SLC45A2: variants seen among roughly 807,000 people sequenced by gnomAD.
SLC45A2 encodes membrane-associated transporter protein.
SLC45A2 carries 36 observed loss-of-function variants against 45.5 expected under a neutral mutation model. That is an observed-to-expected ratio of 0.79 (90% CI 0.61 to 1.04). The LOEUF is 1.04. Ranked by LOEUF, SLC45A2 falls within the 50% of genes least tolerant of loss-of-function variation. The pLI is 0.00. For synonymous variants in SLC45A2, 306 were observed against 269.3 expected (o/e 1.14, Z -1.33); for missense variants, 719 against 671.0 (o/e 1.07, Z -0.79).
chr5:33,954,677 G>T (rs1390570437), intron 3 of SLC45A2, among the ~76,000 whole-genome samples, 173 bp from the exon 4 acceptor site: 1 of 152,204 alleles, frequency 6.6e-6, no homozygotes, highest in Non-Finnish European at 1.5e-5. Context: ...GAGGTATTCT[G>T]TTAAGCACGA....
chr5:33,965,690 A>G (rs550096194), intron 2 of SLC45A2, among the ~76,000 whole-genome samples: 3 of 152,348 alleles, frequency 2.0e-5, no homozygotes, highest in African/African-American at 2.4e-5. Flanking sequence ...ATTCAGAAGA[A>G]TGTTCTGGGA....
chr5:33,967,429 C>T (rs1579550860), intron 2 of SLC45A2, among the ~76,000 whole-genome samples: 2 of 152,308 alleles, frequency 1.3e-5, no homozygotes, highest in South Asian at 2.1e-4. Flanking sequence ...TTCTGAAGGT[C>T]TAAGGTGGAG....
At chr5:33,947,417 CAT>C (rs1295493247) in intron 5 of SLC45A2, 43 bp from the exon 6 acceptor site, 1 of 1,520,752 alleles carries the variant, frequency 6.6e-7, no homozygotes, top group African/African-American at 1.4e-5. Context: ...GGCAGTGCCT[CAT>C]AACATTTAAT....
At chr5:33,971,257 C>T (rs1752769522) in intron 2 of SLC45A2, 4 of 530,510 alleles carry the variant, frequency 7.5e-6, no homozygotes, top group Non-Finnish European at 1.5e-5. Context: ...GTTTCTTATT[C>T]TGAGATTGGA....
chr5:33,944,893 C>T (rs746017158), intron 6 of SLC45A2, 21 bp from the exon 7 acceptor site: 2 of 1,597,746 alleles, frequency 1.3e-6, no homozygotes, highest in Non-Finnish European at 1.7e-6. Flanking sequence ...AGCACAGAAC[C>T]ACCATTTGAC....
intron 2 of SLC45A2, chr5:33,972,208 T>C (rs918355650): frequency 1.9e-5 from 10 of 525,834 alleles, no homozygotes; most frequent in Non-Finnish European, 2.7e-5. Context: ...TTTCCAAGGG[T>C]ACTTCAGCTG....
chr5:33,959,176 C>T (rs1475837054), intron 3 of SLC45A2, among the ~76,000 whole-genome samples: 5 of 151,968 alleles, frequency 3.3e-5, no homozygotes, highest in African/African-American at 4.8e-5. Context: ...TGTATATTTC[C>T]TTTCCATTTT....
In SLC45A2 at chr5:33,954,955, T is replaced by C. The variant is rs139323392; in HGVS notation, c.889-451A>G. ...TCCCCTGATGTCATCCCTGTGATTATGTGCTGTTACATGGCAAAGGGATTT... is the reference window on the plus strand; with the variant it reads ...TCCCCTGATGTCATCCCTGTGATTACGTGCTGTTACATGGCAAAGGGATTT... On this transcript the variant is annotated intron_variant, in intron 3 of 6. Coordinates refer to ENST00000296589, the MANE Select transcript of SLC45A2 (RefSeq NM_016180.5). Among the ~76,000 whole-genome samples, 137 of 152,324 alleles carry C rather than the reference T, an allele frequency of 9.0e-4. 2 individuals are homozygous for C. Among genetic ancestry groups the C allele is most frequent in the Middle Eastern group, 6.8e-3 (2 of 294 alleles).
intron 5 of SLC45A2, among the ~76,000 whole-genome samples, chr5:33,950,098 G>A (rs1752055717): frequency 6.6e-6 from 1 of 152,018 alleles, no homozygotes; most frequent in African/African-American, 2.4e-5. Context: ...TCAGAGGGCT[G>A]GGACTTGCTT....
intron 5 of SLC45A2, chr5:33,951,255 G>A (rs968759083): frequency 3.5e-6 from 2 of 565,082 alleles, no homozygotes; most frequent in Non-Finnish European, 5.7e-6. Context: ...AACCTGCTGG[G>A]ACTCATCCAT....
chr5:33,983,672 C>T (rs954223263), intron 1 of SLC45A2, among the ~76,000 whole-genome samples: 5 of 152,208 alleles, frequency 3.3e-5, no homozygotes, highest in African/African-American at 7.2e-5. Flanking sequence ...TGCCTACCCT[C>T]AGGTTTGCTT....
chr5:33,984,153 A>G (rs539988121), intron 1 of SLC45A2, 46 bp downstream of exon 1: 7 of 1,611,818 alleles, frequency 4.3e-6, no homozygotes, highest in Non-Finnish European at 5.9e-6. Flanking sequence ...AGAGGTACAC[A>G]CTAAGACACA....
intron 3 of SLC45A2, among the ~76,000 whole-genome samples, chr5:33,957,474 G>T (rs946333974): frequency 6.6e-6 from 1 of 151,984 alleles, no homozygotes; most frequent in African/African-American, 2.4e-5. Context: ...GCAGTATCTA[G>T]CCCACTGACC....
intron 3 of SLC45A2, among the ~76,000 whole-genome samples, chr5:33,955,144 A>T (rs1050250893): frequency 3.9e-5 from 6 of 152,192 alleles, no homozygotes; most frequent in African/African-American, 1.4e-4. Context: ...AGCACAAGAA[A>T]TGTCTGCTTT....
intron 2 of SLC45A2, among the ~76,000 whole-genome samples, chr5:33,965,774 C>G (rs973752658): frequency 1.3e-5 from 2 of 152,118 alleles, no homozygotes; most frequent in African/African-American, 4.8e-5. Flanking sequence ...AGAAGTCATG[C>G]GTCAAGCCAA....
chr5:33,966,008 A>C (rs1289102246), intron 2 of SLC45A2, among the ~76,000 whole-genome samples: 1 of 152,118 alleles, frequency 6.6e-6, no homozygotes, highest in Non-Finnish European at 1.5e-5. Flanking sequence ...ATTTCTTATC[A>C]CTTATGCCTC....
At chr5:33,944,951 G>T in intron 6 of SLC45A2, 79 bp from the exon 7 acceptor site, 3 of 1,335,576 alleles carry the variant, frequency 2.2e-6, no homozygotes, top group South Asian at 1.3e-5. Context: ...ATTTTTCTGT[G>T]ACCAGCCAGA....
chr5:33,975,105 C>T (rs375508955), intron 2 of SLC45A2, among the ~76,000 whole-genome samples: 8 of 151,828 alleles, frequency 5.3e-5, no homozygotes, highest in East Asian at 3.9e-4. Flanking sequence ...AGAAATTGCT[C>T]TGAGCCATCC....
intron 2 of SLC45A2, among the ~76,000 whole-genome samples, chr5:33,965,084 T>C (rs1351879627): frequency 6.6e-6 from 1 of 152,228 alleles, no homozygotes; most frequent in Non-Finnish European, 1.5e-5. Flanking sequence ...CAAACTCCCA[T>C]CATGCCTACC....
Sources: gnomAD v4.1 joint callset for allele counts (sites outside exome capture counted in the v4.1 genomes callset) on GRCh38, gnomAD v4.1.1 for gene constraint, MANE v1.5 for transcripts, NCBI Gene and HGNC (gene_info 2026-07-23, HGNC 2026-07-21) for gene names.